The following TNNT1 variants were observed in gnomAD, a reference collection of about 807,000 sequenced individuals.
The protein encoded by TNNT1 is troponin T1, slow skeletal type, also known as troponin T, slow skeletal muscle.
In TNNT1, 53 loss-of-function variants were observed where a neutral mutation model predicts 50.6. The observed-to-expected ratio is 1.05, with a 90% CI of 0.84 to 1.32. The LOEUF (loss-of-function observed/expected upper bound fraction) is 1.32, where lower values mean the gene tolerates loss of function less well. Ranked by LOEUF, TNNT1 falls within the 40% of genes most tolerant of loss-of-function variation. The pLI, the probability that TNNT1 is intolerant of heterozygous loss-of-function variation, is 0.00. For missense variants in TNNT1, 348 were observed against 381.7 expected (o/e 0.91, Z 0.74); for synonymous variants, 142 against 138.0 (o/e 1.03, Z -0.20).
chr19:55,137,921 C>T, intron 10 of TNNT1, 40 bp downstream of exon 10: 1 of 1,613,492 alleles, frequency 6.2e-7, no homozygotes, highest in Non-Finnish European at 8.5e-7. Context: ...GCCCCTGCCC[C>T]CTCAGAACTC....
chr19:55,139,283 A>G (rs1410266623), intron 9 of TNNT1, among the ~76,000 whole-genome samples: 1 of 152,234 alleles, frequency 6.6e-6, no homozygotes, highest in Non-Finnish European at 1.5e-5. Context: ...TACAGGCGTC[A>G]GCCATCGCGC....
intron 5 of TNNT1, among the ~76,000 whole-genome samples, chr19:55,145,925 CCT>C (rs1462135010): frequency 2.0e-5 from 3 of 151,860 alleles, no homozygotes; most frequent in African/African-American, 7.3e-5. Flanking sequence ...GGGGTCCCAA[CCT>C]CTGTCTTCAT....
chr19:55,134,120 C>T lies in TNNT1; in HGVS notation c.696G>A (p.Gln232=), dbSNP rs564223117. Residue 232 remains glutamine (Q), a synonymous_variant, in exon 12 of 14, where the codon CAG becomes CAA. Transcript: ENST00000588981. ...KAQELSDWIH[Q]LESEKFDLMA... is the part of the protein sequence containing the mutation. Reference sequence around the variant, plus strand: ...TCAGGTCGAACTTCTCAGACTCCAGCTGGTGGATCCAGTCCGACAGCTCCT... The same window carrying T: ...TCAGGTCGAACTTCTCAGACTCCAGTTGGTGGATCCAGTCCGACAGCTCCT... The T allele has an allele frequency of 1.2e-5, 20 of 1,611,642 alleles. No homozygotes were observed. The East Asian group carries it at 4.0e-4, about 32-fold the overall frequency.
At chr19:55,137,024 C>T (rs933274831) in intron 11 of TNNT1, 79 bp downstream of exon 11, 4 of 925,046 alleles carry the variant, frequency 4.3e-6, no homozygotes, top group African/African-American at 1.6e-5. Flanking sequence ...TATCTGCCCA[C>T]CCAGATCTGG....
At chr19:55,146,612 C>T (rs961209677) in intron 4 of TNNT1, 69 bp downstream of exon 4, 3 of 1,214,224 alleles carry the variant, frequency 2.5e-6, no homozygotes. Flanking sequence ...ATCCCGCCCC[C>T]TCCTCCCGGG....
chr19:55,146,560 G>T, intron 4 of TNNT1, 94 bp from the exon 5 acceptor site: 1 of 1,138,796 alleles, frequency 8.8e-7, no homozygotes, highest in Non-Finnish European at 1.2e-6. Flanking sequence ...AGAGACGTGA[G>T]AGGCTGTTAG....
chr19:55,145,443 T>G, intron 6 of TNNT1, 101 bp downstream of exon 6: 1 of 1,148,254 alleles, frequency 8.7e-7, no homozygotes, highest in Non-Finnish European at 1.3e-6. Context: ...CTGTTTCAAT[T>G]TCCTCCCTCC....
In TNNT1 at chr19:55,146,468, TGGGGAG is replaced by T; in HGVS notation, c.74-8_74-3del. 3 of 921,794 alleles carry T rather than the reference TGGGGAG, an allele frequency of 3.3e-6. No homozygotes were observed. The highest frequency in any genetic ancestry group is 2.5e-6 in the Non-Finnish European group (2 of 794,214). The allele number at this position is 921,794 out of a possible 1,614,324, so 57.1% of individuals were successfully genotyped here. A position where few individuals can be genotyped will look rare whatever the true frequency, so the allele number is the denominator to read the frequency against. Reference sequence around the variant, plus strand: ...CCACCGGCTCCGGCTCTTCGGGGGCTGGGGAGGGGAGGGAGGAGCAGCGAGGGTTTG... The same window carrying T: ...CCACCGGCTCCGGCTCTTCGGGGGCTGGGAGGGAGGAGCAGCGAGGGTTTG... On this transcript the variant is annotated splice_region_variant and splice_polypyrimidine_tract_variant and intron_variant, in intron 4 of 13. Transcript: ENST00000588981.
At chr19:55,145,274 T>G in intron 6 of TNNT1, 1 of 502,980 alleles carries the variant, frequency 2.0e-6, no homozygotes, top group Admixed American at 3.5e-5. Context: ...CTAGCCTGGG[T>G]AACAGGGTGG....
intron 1 of TNNT1, 155 bp from the exon 2 acceptor site, chr19:55,147,323 TGTGAGAGAGGAGGAGCTGGGGC>T (rs2085581052): frequency 6.1e-5 from 40 of 657,142 alleles, no homozygotes; most frequent in Admixed American, 9.3e-5. Context: ...GACTCCTGGG[TGTGAGAGAGGAGGAGCTGGGGC>T]CTGGACTCCT....
chr19:55,144,070 C>A (rs1246895768), intron 6 of TNNT1, among the ~76,000 whole-genome samples: 1 of 144,794 alleles, frequency 6.9e-6, no homozygotes, highest in Non-Finnish European at 1.5e-5. Context: ...CCACCCCACC[C>A]CCTTTTTTTT....
chr19:55,146,845 G>T (rs1327356500), intron 3 of TNNT1, 138 bp from the exon 4 acceptor site: 1 of 1,193,262 alleles, frequency 8.4e-7, no homozygotes, highest in African/African-American at 1.5e-5. Flanking sequence ...CCCCCTGGCG[G>T]TGCAGGGATG....
At position 55,134,051 on chromosome 19, in the gene TNNT1, G is replaced by C; in HGVS notation, c.750+15C>G. ...CTGCCCTCTCTCCCTCCCTCCCTGC[G>C]GAGCTGGGTCTCACCTCATATTTCT... On this transcript the variant is annotated intron_variant, in intron 12 of 13. Transcript: ENST00000588981. 6.2e-7 allele frequency: 1 copy of C among 1,612,788 alleles called. No homozygotes were observed. Among genetic ancestry groups the C allele is most frequent in the Non-Finnish European group, 8.5e-7 (1 of 1,179,804 alleles).
chr19:55,141,742 A>G lies in TNNT1; in HGVS notation c.192+115T>C, dbSNP rs915715531. ...CAGGTGGGTCACCTCAGCCTCCCAA[A>G]GTGCTGGGATTACAGGCATGAGGCC... is the stretch of plus-strand genomic sequence containing the variant. On this transcript the variant is annotated intron_variant, in intron 7 of 13. Coordinates refer to ENST00000588981, the MANE Select transcript of TNNT1 (RefSeq NM_003283.6). 4.0e-6 allele frequency: 5 copies of G among 1,237,004 alleles called. No individual in the cohort carries two copies. The African/African-American group carries it at 6.0e-5, about 15-fold the overall frequency. 76.6% of individuals were successfully genotyped at this position (1,237,004 alleles called of 1,614,324 possible).
intron 3 of TNNT1, 116 bp downstream of exon 3, chr19:55,146,892 G>A: frequency 7.3e-7 from 1 of 1,362,726 alleles, no homozygotes; most frequent in Admixed American, 2.5e-5. Flanking sequence ...GAGGGCGGGC[G>A]AGGGCCCGAG....
chr19:55,147,678 G>GGACTCCT lies in TNNT1; in HGVS notation c.-11-511_-11-510insAGGAGTC, dbSNP rs1568851076. Among the ~76,000 whole-genome samples, 62 of 100,380 alleles carry GGACTCCT rather than the reference G, an allele frequency of 6.2e-4. 3 individuals carry two copies. The highest frequency in any genetic ancestry group is 2.3e-3 in the African/African-American group (53 of 22,674). The allele number at this position is 100,380 out of a possible 152,430, so 65.9% of individuals were successfully genotyped here. ...ACCTGGGTCTGAGGGAGGAGGGGCT[G>GGACTCCT]GGGTCTGGACTCCTGGATCTGAGGG... On this transcript the variant is annotated intron_variant, in intron 1 of 13. Transcript: ENST00000588981.
Position 55,137,334 on chromosome 19 carries a change from C to G in TNNT1, c.502-122G>C, listed in dbSNP as rs538156566. On this transcript the variant is annotated intron_variant, in intron 10 of 13. Transcript: ENST00000588981. ...ATGTTGGGACCACAGGTCTGCACCCCAGGCCCATCTCCTTCAGACCTAGGA... is the reference window on the plus strand; with the variant it reads ...ATGTTGGGACCACAGGTCTGCACCCGAGGCCCATCTCCTTCAGACCTAGGA... 716 of 694,338 alleles carry G rather than the reference C, an allele frequency of 1.0e-3. 13 individuals carry two copies. In the South Asian group the frequency reaches 0.011, roughly 11 times the overall value. The allele number at this position is 694,338 out of a possible 1,614,324, so 43.0% of individuals were successfully genotyped here. A position where few individuals can be genotyped will look rare whatever the true frequency, so the allele number is the denominator to read the frequency against.
In TNNT1 at chr19:55,147,304, T is replaced by TG. The variant is rs1325440212; in HGVS notation, c.-11-137dup. On this transcript the variant is annotated intron_variant, in intron 1 of 13. Transcript: ENST00000588981. Reference sequence around the variant, plus strand: ...CTCCTGGGTGTGAGAGAGGAGGAGCTGGGGTCTGGACTCCTGGGTGTGAGA... The same window carrying TG: ...CTCCTGGGTGTGAGAGAGGAGGAGCTGGGGGTCTGGACTCCTGGGTGTGAGA... The TG allele has an allele frequency of 6.3e-5, 48 of 762,762 alleles. 1 individual carries two copies. Among genetic ancestry groups the TG allele is most frequent in the Admixed American group, 1.3e-4 (6 of 46,382 alleles). The allele number at this position is 762,762 out of a possible 1,614,324, so 47.2% of individuals were successfully genotyped here.
chr19:55,138,124 GA>G, intron 9 of TNNT1, 50 bp from the exon 10 acceptor site: 1 of 1,613,454 alleles, frequency 6.2e-7, no homozygotes, highest in South Asian at 1.1e-5. Flanking sequence ...AGGACTGAGG[GA>G]GGAGGGCCCT....
Sources: gnomAD v4.1 joint callset for allele counts (sites outside exome capture counted in the v4.1 genomes callset) on GRCh38, gnomAD v4.1.1 for gene constraint, MANE v1.5 for transcripts, NCBI Gene and HGNC (gene_info 2026-07-23, HGNC 2026-07-21) for gene names.